Variants in HMCN1 observed in about 807,000 individuals in gnomAD.
The protein encoded by HMCN1 is hemicentin-1.
Under a neutral mutation model 625.9 loss-of-function variants are expected in HMCN1, and 321 were observed. The observed-to-expected ratio is 0.51, with a 90% confidence interval of 0.47 to 0.56. The LOEUF (loss-of-function observed/expected upper bound fraction) is 0.56, where lower values mean the gene tolerates loss of function less well. HMCN1 is among the 20% of genes least tolerant of loss of function. The pLI is 0.00. For missense variants in HMCN1, 6,588 were observed against 6,887.3 expected (o/e 0.96, Z 1.54); for synonymous variants, 2,425 against 2,417.6 (o/e 1.00, Z -0.09).
At chr1:185,899,299 A>G (rs1307879076) in intron 4 of HMCN1, among the ~76,000 whole-genome samples, 2 of 152,180 alleles carry the variant, frequency 1.3e-5, no homozygotes, top group African/African-American at 2.4e-5. Flanking sequence ...AATAAAAATT[A>G]TCTTTCTGTT....
intron 1 of HMCN1, among the ~76,000 whole-genome samples, chr1:185,796,904 C>A (rs1390775704): frequency 6.6e-6 from 1 of 152,096 alleles, no homozygotes; most frequent in Non-Finnish European, 1.5e-5. Context: ...ATTTTTAGTT[C>A]TTTGAAAAAT....
chr1:186,074,240 T>G (rs748493645), intron 52 of HMCN1, among the ~76,000 whole-genome samples: 1 of 152,036 alleles, frequency 6.6e-6, no homozygotes, highest in Non-Finnish European at 1.5e-5. Flanking sequence ...TAAAACATAA[T>G]ATAAATATCT....
At position 186,119,260 on chromosome 1, in the gene HMCN1, C is replaced by T; in HGVS notation, c.11918C>T (p.Ala3973Val). The T allele has an allele frequency of 5.0e-6, 8 of 1,613,906 alleles. No homozygotes were observed. The highest frequency in any genetic ancestry group is 6.8e-6 in the Non-Finnish European group (8 of 1,179,828). Residue 3973 changes from alanine to valine, a missense_variant, in exon 78 of 107, where the codon GCT (alanine) becomes GTT (valine). Around this residue, in one of 3 missense-constraint regions of HMCN1, gnomAD observed 4,628 missense variants for 4,853.1 expected, o/e 0.95. Coordinates refer to ENST00000271588, the MANE Select transcript of HMCN1 (RefSeq NM_031935.3). The part of the protein sequence containing the change: ...GRYTCVARNA[A>V]GSAHRHVTLH... ...TACACTTGTGTCGCTAGGAATGCGG[C>T]TGGCTCTGCACATCGACACGTGACC... is the stretch of plus-strand genomic sequence containing the variant.
chr1:186,082,000 G>C (rs1280827340), intron 56 of HMCN1, among the ~76,000 whole-genome samples: 28 of 151,998 alleles, frequency 1.8e-4, no homozygotes, highest in Admixed American at 1.8e-3. Context: ...ATCCAACATA[G>C]GACATATCTC....
intron 19 of HMCN1, among the ~76,000 whole-genome samples, chr1:185,986,074 A>G (rs961174929): frequency 5.3e-5 from 8 of 152,194 alleles, no homozygotes; most frequent in Admixed American, 5.2e-4. Context: ...AGCATAGTTG[A>G]AAGATGAATA....
chr1:186,173,625 A>G (rs1340163530), intron 102 of HMCN1, among the ~76,000 whole-genome samples: 1 of 141,218 alleles, frequency 7.1e-6, no homozygotes, highest in Non-Finnish European at 1.5e-5. Context: ...TGGGTGACAG[A>G]GCGAGACTCC....
At chr1:186,039,277 ATG>A (rs1295005074) in intron 38 of HMCN1, among the ~76,000 whole-genome samples, 1 of 152,148 alleles carries the variant, frequency 6.6e-6, no homozygotes, top group African/African-American at 2.4e-5. Context: ...CTGCTTATAA[ATG>A]CTCTCTGAAA....
In HMCN1 at chr1:185,949,097, G is replaced by C. The variant is rs528257583; in HGVS notation, c.1829-13421G>C. On this transcript the variant is annotated intron_variant, in intron 11 of 106. Transcript: ENST00000271588. ...TATCTGATTAGAGAGTGCCTAAGGA[G>C]ATTCAGCATAGTCCTGCCAGCAAAG... Among the ~76,000 whole-genome samples the C allele has an allele frequency of 6.1e-4, 92 of 151,988 alleles. 1 individual carries two copies. Among genetic ancestry groups the C allele is most frequent in the African/African-American group, 1.5e-3 (63 of 41,296 alleles).
At chr1:185,783,203 A>G (rs895250675) in intron 1 of HMCN1, among the ~76,000 whole-genome samples, 2 of 152,170 alleles carry the variant, frequency 1.3e-5, no homozygotes, top group Admixed American at 6.5e-5. Context: ...CCATCAGGTC[A>G]TTTAAGGACT....
chr1:186,070,875 C>T, intron 52 of HMCN1, 118 bp downstream of exon 52: 1 of 1,015,252 alleles, frequency 9.8e-7, no homozygotes, highest in Non-Finnish European at 1.5e-6. Flanking sequence ...TTAAAACTAG[C>T]AAATGCCATG....
At chr1:186,099,118 A>G (rs528417791) in intron 68 of HMCN1, among the ~76,000 whole-genome samples, 1 of 152,190 alleles carries the variant, frequency 6.6e-6, no homozygotes, top group Admixed American at 6.6e-5. Context: ...AGTTAATAAT[A>G]TACTATTGTA....
intron 1 of HMCN1, among the ~76,000 whole-genome samples, chr1:185,747,652 G>A (rs1158819764): frequency 2.6e-5 from 4 of 152,118 alleles, no homozygotes; most frequent in South Asian, 2.1e-4. Context: ...TAATAAAGTC[G>A]TATTTAATCT....
At chr1:185,761,067 A>G (rs1655471306) in intron 1 of HMCN1, among the ~76,000 whole-genome samples, 1 of 152,138 alleles carries the variant, frequency 6.6e-6, no homozygotes, top group African/African-American at 2.4e-5. Flanking sequence ...GGAGCTGGGA[A>G]AAGTTTCCCC....
At chr1:186,075,341 A>C (rs2102358031) in intron 53 of HMCN1, among the ~76,000 whole-genome samples, 1 of 152,260 alleles carries the variant, frequency 6.6e-6, no homozygotes, top group African/African-American at 2.4e-5. Flanking sequence ...CATGTAACAA[A>C]CCAGCACATG....
At chr1:185,997,075 G>C (rs1241883614) in intron 24 of HMCN1, among the ~76,000 whole-genome samples, 1 of 152,104 alleles carries the variant, frequency 6.6e-6, no homozygotes, top group Non-Finnish European at 1.5e-5. Context: ...CTTAAGCATA[G>C]AGAGGAAGAC....
At chr1:185,843,509 C>T (rs752166747) in intron 1 of HMCN1, among the ~76,000 whole-genome samples, 4 of 152,092 alleles carry the variant, frequency 2.6e-5, no homozygotes, top group Non-Finnish European at 4.4e-5. Context: ...AAAGGCTTGG[C>T]AGGGGATGAA....
chr1:185,748,034 ATTTT>A (rs36021341), intron 1 of HMCN1, among the ~76,000 whole-genome samples: 2 of 118,134 alleles, frequency 1.7e-5, no homozygotes, highest in Non-Finnish European at 1.7e-5. Flanking sequence ...GGTACTTAAA[ATTTT>A]TTTTTTTTTT....
intron 15 of HMCN1, among the ~76,000 whole-genome samples, chr1:185,976,136 ACT>A (rs1651196434): frequency 6.6e-6 from 1 of 152,212 alleles, no homozygotes; most frequent in South Asian, 2.1e-4. Context: ...GTTTTCTGAA[ACT>A]TTAGAGAGGG....
At chr1:185,827,171 C>CAAAA (rs756416016) in intron 1 of HMCN1, among the ~76,000 whole-genome samples, 1 of 43,176 alleles carries the variant, frequency 2.3e-5, no homozygotes, top group African/African-American at 6.8e-5. Flanking sequence ...GACTCCATCT[C>CAAAA]AAAAAAAAAA....
Sources: allele counts gnomAD v4.1 joint callset (sites outside exome capture counted in the v4.1 genomes callset), GRCh38; gene constraint gnomAD v4.1.1; regional missense constraint gnomAD v4.1.1; transcripts MANE v1.5; gene names NCBI Gene and HGNC (gene_info 2026-07-23, HGNC 2026-07-21).